DNAI3: variants seen among roughly 807,000 people sequenced by gnomAD.
DNAI3 encodes the protein WD repeat domain 63.
Under a neutral mutation model 115.5 loss-of-function variants are expected in DNAI3, and 83 were observed. The observed-to-expected ratio is 0.72, with a 90% confidence interval of 0.60 to 0.86. DNAI3 has a LOEUF of 0.86. Ranked by LOEUF, DNAI3 falls within the 40% of genes least tolerant of loss-of-function variation. The pLI, the probability that DNAI3 is intolerant of heterozygous loss-of-function variation, is 0.00. For synonymous variants in DNAI3, 320 were observed against 347.0 expected (o/e 0.92, Z 0.86); for missense variants, 1,004 against 1,075.8 (o/e 0.93, Z 0.93).
At chr1:85,130,185 A>G in intron 22 of DNAI3, 73 bp downstream of exon 22, 1 of 1,584,306 alleles carries the variant, frequency 6.3e-7, no homozygotes. Context: ...GGCTTAATCC[A>G]CAGTTTCCAT....
intron 22 of DNAI3, among the ~76,000 whole-genome samples, chr1:85,131,665 G>A (rs1656329236): frequency 6.6e-6 from 1 of 152,034 alleles, no homozygotes; most frequent in African/African-American, 2.4e-5. Flanking sequence ...TCTTAGTTTT[G>A]TTCTTTTGCA....
At chr1:85,111,849 G>T (rs980022959) in intron 16 of DNAI3, among the ~76,000 whole-genome samples, 2 of 152,008 alleles carry the variant, frequency 1.3e-5, no homozygotes, top group African/African-American at 4.8e-5. Flanking sequence ...GATATGCTTT[G>T]ACATATGTAC....
At chr1:85,121,455 A>C (rs1655991852) in intron 17 of DNAI3, among the ~76,000 whole-genome samples, 2 of 152,240 alleles carry the variant, frequency 1.3e-5, no homozygotes, top group South Asian at 4.1e-4. Flanking sequence ...TCAACAACAA[A>C]AACTTTGGAT....
chr1:85,124,511 T>C (rs956767309), intron 19 of DNAI3, among the ~76,000 whole-genome samples: 12 of 152,162 alleles, frequency 7.9e-5, no homozygotes, highest in African/African-American at 2.2e-4. Flanking sequence ...GAATATCTAC[T>C]GTGGGCAGTT....
At position 85,130,097 on chromosome 1, in the gene DNAI3, G is replaced by A. The variant is rs770396045; in HGVS notation, c.2517G>A (p.Met839Ile). The A allele has an allele frequency of 8.7e-6, 14 of 1,613,028 alleles. No individual in the cohort carries two copies. The highest frequency in any genetic ancestry group is 1.3e-5 in the African/African-American group (1 of 74,864). The part of the protein sequence containing the change: ...EQEKKEMELE[M>I]AKKKVKTYQK... ...AAAAGAAAGAAATGGAACTAGAAATGGCAAAGAAAAAAGTTGTAAGTTAAA... is the reference window on the plus strand; with the variant it reads ...AAAAGAAAGAAATGGAACTAGAAATAGCAAAGAAAAAAGTTGTAAGTTAAA... The change falls in exon 22 of 23, where the codon ATG becomes ATA. Residue 839 changes from methionine (M) to isoleucine (I), a missense_variant. Transcript: ENST00000294664.
intron 16 of DNAI3, among the ~76,000 whole-genome samples, chr1:85,116,232 T>C (rs1375732797): frequency 1.3e-5 from 2 of 152,252 alleles, no homozygotes; most frequent in African/African-American, 2.4e-5. Context: ...TTAAACCCAA[T>C]CTACCCTATC....
At chr1:85,129,873 A>T (rs954465718) in intron 21 of DNAI3, 117 bp from the exon 22 acceptor site, 5 of 1,107,572 alleles carry the variant, frequency 4.5e-6, no homozygotes, top group Non-Finnish European at 6.3e-6. Context: ...TAGATTAGGG[A>T]GGTAGATTAG....
chr1:85,084,519 T>C, intron 5 of DNAI3, 27 bp from the exon 6 acceptor site: 2 of 1,348,476 alleles, frequency 1.5e-6, no homozygotes, highest in Non-Finnish European at 1.9e-6. Flanking sequence ...GGGCATACAT[T>C]GTAGAATGCT....
At chr1:85,130,170 T>C (rs1351679243) in intron 22 of DNAI3, 58 bp downstream of exon 22, 26 of 1,604,684 alleles carry the variant, frequency 1.6e-5, no homozygotes, top group Non-Finnish European at 2.0e-5. Context: ...GAAATATATT[T>C]GTTTGGCTTA....
rs199645222 is a variant in DNAI3, at chr1:85,130,063, G to C, written c.2483G>C (p.Arg828Pro). The C allele has an allele frequency of 6.2e-7, 1 of 1,613,696 alleles. No homozygotes were observed. The highest frequency in any genetic ancestry group is 1.3e-5 in the African/African-American group (1 of 74,872). Residue 828 changes from arginine (R) to proline (P), a missense_variant, in exon 22 of 23, where the codon CGT (arginine) becomes CCT (proline). Coordinates refer to ENST00000294664, the MANE Select transcript of DNAI3 (RefSeq NM_145172.5). ...LEYVEQRKKI[R>P]EQEKKEMELE... ...TACGTAGAACAGCGCAAAAAAATTC[G>C]TGAGCAAGAAAAGAAAGAAATGGAA...
At chr1:85,070,028 C>T (rs563514096) in intron 1 of DNAI3, among the ~76,000 whole-genome samples, 7 of 152,080 alleles carry the variant, frequency 4.6e-5, no homozygotes, top group Non-Finnish European at 7.4e-5. Flanking sequence ...TTTGGGAGGC[C>T]GAGGCGGGTG....
At chr1:85,095,844 A>T in intron 10 of DNAI3, 87 bp from the exon 11 acceptor site, 1 of 1,291,604 alleles carries the variant, frequency 7.7e-7, no homozygotes, top group Non-Finnish European at 1.1e-6. Flanking sequence ...CTATAAAATT[A>T]GACTTTTAAC....
At chr1:85,093,408 G>A in intron 8 of DNAI3, 50 bp from the exon 9 acceptor site, 1 of 1,551,430 alleles carries the variant, frequency 6.4e-7, no homozygotes, top group Non-Finnish European at 8.8e-7. Flanking sequence ...TCACATTATT[G>A]GATACTAAAA....
intron 15 of DNAI3, 80 bp downstream of exon 15, chr1:85,108,257 A>G: frequency 7.3e-7 from 1 of 1,372,634 alleles, no homozygotes; most frequent in Non-Finnish European, 9.6e-7. Context: ...ACATATACAC[A>G]CACTCTCTAA....
At chr1:85,107,622 G>A (rs1655528431) in intron 14 of DNAI3, among the ~76,000 whole-genome samples, 1 of 152,208 alleles carries the variant, frequency 6.6e-6, no homozygotes, top group Admixed American at 6.5e-5. Context: ...TAATCTGCAT[G>A]AGGTTTTTTG....
rs755164016 is a variant in DNAI3, at chr1:85,086,033, A to G, written c.740+3A>G. ...GACATAAGCACTCAGACAAAATGGT[A>G]AGTATGTGATGGGTGTATGTAATTT... is the stretch of plus-strand genomic sequence containing the variant. On this transcript the variant is annotated splice_donor_region_variant and intron_variant, in intron 7 of 22. Transcript: ENST00000294664. 16 of 1,613,606 alleles carry G rather than the reference A, an allele frequency of 9.9e-6. No homozygotes were observed. Among genetic ancestry groups the G allele is most frequent in the African/African-American group, 1.3e-5 (1 of 74,890 alleles).
At chr1:85,075,829 A>G (rs1654434582) in intron 3 of DNAI3, among the ~76,000 whole-genome samples, 1 of 152,226 alleles carries the variant, frequency 6.6e-6, no homozygotes, top group African/African-American at 2.4e-5. Flanking sequence ...CATTACAGAC[A>G]TGAAGGTGCT....
chr1:85,106,357 A>G (rs1655490843), intron 14 of DNAI3, among the ~76,000 whole-genome samples: 1 of 152,232 alleles, frequency 6.6e-6, no homozygotes, highest in Non-Finnish European at 1.5e-5. Context: ...ATATTTACAA[A>G]TCATATATCT....
intron 10 of DNAI3, 137 bp downstream of exon 10, chr1:85,094,692 C>A (rs1655076594): frequency 1.9e-5 from 20 of 1,049,132 alleles, no homozygotes; most frequent in Non-Finnish European, 2.4e-5. Flanking sequence ...TTCTTCAATG[C>A]AGAACTTGTC....
Sources: gnomAD v4.1 joint callset for allele counts (sites outside exome capture counted in the v4.1 genomes callset) on GRCh38, gnomAD v4.1.1 for gene constraint, MANE v1.5 for transcripts, NCBI Gene and HGNC (gene_info 2026-07-23, HGNC 2026-07-21) for gene names.